The following IMMP2L variants were observed in gnomAD, a reference collection of about 807,000 sequenced individuals.
IMMP2L encodes the protein mitochondrial inner membrane protease subunit 2.
A neutral mutation model predicts 19.3 loss-of-function variants in IMMP2L; 18 were observed. The observed-to-expected ratio is 0.93, with a 90% confidence interval of 0.64 to 1.38. The LOEUF is 1.38. Among genes scored for constraint, IMMP2L ranks in the 40% most tolerant of loss-of-function variants. IMMP2L has a pLI of 0.00. For missense variants in IMMP2L, 233 were observed against 218.2 expected, an observed-to-expected ratio of 1.07 and a Z score of -0.43; for synonymous variants, 76 against 73.0, an observed-to-expected ratio of 1.04 and a Z score of -0.21.
chr7:111,421,075 C>T (rs756167693), intron 3 of IMMP2L, among the ~76,000 whole-genome samples: 3 of 151,608 alleles, frequency 2.0e-5, no homozygotes, highest in Non-Finnish European at 4.4e-5. Flanking sequence ...TCTGTTGTTC[C>T]CTGAGTTTTT....
At chr7:110,737,232 CTG>C (rs1554404785) in intron 5 of IMMP2L, among the ~76,000 whole-genome samples, 4 of 152,160 alleles carry the variant, frequency 2.6e-5, no homozygotes, top group Admixed American at 6.5e-5. Context: ...GCCAAAAAAA[CTG>C]TGAGTCTGCT....
At chr7:110,851,396 C>T (rs1806212297) in intron 5 of IMMP2L, among the ~76,000 whole-genome samples, 1 of 152,130 alleles carries the variant, frequency 6.6e-6, no homozygotes, top group Non-Finnish European at 1.5e-5. Flanking sequence ...GGAATTAATG[C>T]CCCATAAGCA....
At chr7:111,214,621 G>A (rs1323065636) in intron 3 of IMMP2L, among the ~76,000 whole-genome samples, 6 of 150,086 alleles carry the variant, frequency 4.0e-5, no homozygotes, top group African/African-American at 1.5e-4. Flanking sequence ...CCAAAGTGCA[G>A]GGATTACAGG....
intron 3 of IMMP2L, among the ~76,000 whole-genome samples, chr7:111,036,083 T>C (rs772300553): frequency 6.6e-6 from 1 of 152,210 alleles, no homozygotes; most frequent in Non-Finnish European, 1.5e-5. Flanking sequence ...TTATTGCTCA[T>C]ATTATTCCTT....
chr7:110,766,063 G>A (rs919854217), intron 5 of IMMP2L, among the ~76,000 whole-genome samples: 5 of 152,066 alleles, frequency 3.3e-5, no homozygotes, highest in African/African-American at 4.8e-5. Flanking sequence ...TATTGACCAC[G>A]TAATTATTAG....
At chr7:111,430,292 A>T (rs1836498620) in intron 3 of IMMP2L, among the ~76,000 whole-genome samples, 1 of 151,826 alleles carries the variant, frequency 6.6e-6, no homozygotes, top group Non-Finnish European at 1.5e-5. Context: ...AACCTAACTG[A>T]AATATGTCTG....
chr7:110,663,840 A>G (rs1398732162), intron 5 of IMMP2L, 119 bp from the exon 6 acceptor site: 7 of 613,960 alleles, frequency 1.1e-5, no homozygotes, highest in Non-Finnish European at 1.9e-5. Context: ...GTGATGATGA[A>G]TAAAAAAAAT....
chr7:111,275,775 T>C (rs551319019), intron 3 of IMMP2L, among the ~76,000 whole-genome samples: 1 of 152,290 alleles, frequency 6.6e-6, no homozygotes, highest in Admixed American at 6.5e-5. Flanking sequence ...CTTGATTAAA[T>C]ATATTCCTAG....
At chr7:111,352,951 G>T (rs1304029587) in intron 3 of IMMP2L, among the ~76,000 whole-genome samples, 1 of 152,154 alleles carries the variant, frequency 6.6e-6, no homozygotes, top group African/African-American at 2.4e-5. Flanking sequence ...AAAAGTGCAT[G>T]AAGTCTCAAC....
At chr7:110,958,417 T>G (rs1180044377) in intron 4 of IMMP2L, among the ~76,000 whole-genome samples, 1 of 152,068 alleles carries the variant, frequency 6.6e-6, no homozygotes, top group Non-Finnish European at 1.5e-5. Context: ...TACAAGCTTG[T>G]GTTATTTCCA....
intron 3 of IMMP2L, among the ~76,000 whole-genome samples, chr7:111,044,768 A>T (rs2129571590): frequency 6.6e-6 from 1 of 152,300 alleles, no homozygotes; most frequent in African/African-American, 2.4e-5. Context: ...TTTTTATCCC[A>T]TCAACAAGTT....
intron 3 of IMMP2L, among the ~76,000 whole-genome samples, chr7:111,000,361 T>C (rs1415990953): frequency 6.6e-6 from 1 of 152,124 alleles, no homozygotes; most frequent in Non-Finnish European, 1.5e-5. Flanking sequence ...ATATTTACCC[T>C]CAACTTAGAC....
intron 5 of IMMP2L, among the ~76,000 whole-genome samples, chr7:110,852,787 G>A (rs774765660): frequency 5.2e-4 from 79 of 152,064 alleles, no homozygotes; most frequent in African/African-American, 1.7e-3. Context: ...GCCACATAGA[G>A]AGCCCAAGTG....
At chr7:111,215,549 A>G (rs988905849) in intron 3 of IMMP2L, among the ~76,000 whole-genome samples, 1 of 152,178 alleles carries the variant, frequency 6.6e-6, no homozygotes, top group East Asian at 1.9e-4. Flanking sequence ...GTCTAATTTC[A>G]AAAAAGATAT....
At chr7:110,696,324 TA>T (rs1210200394) in intron 5 of IMMP2L, among the ~76,000 whole-genome samples, 5 of 151,892 alleles carry the variant, frequency 3.3e-5, no homozygotes, top group African/African-American at 1.2e-4. Context: ...CAGGTATGTG[TA>T]AGAAGAAAAA....
At chr7:111,355,020 G>T (rs1406280583) in intron 3 of IMMP2L, among the ~76,000 whole-genome samples, 1 of 151,782 alleles carries the variant, frequency 6.6e-6, no homozygotes, top group African/African-American at 2.4e-5. Context: ...ATCTGAAAAG[G>T]ATACTACTGG....
chr7:111,020,135 G>A (rs1056666680), intron 3 of IMMP2L, among the ~76,000 whole-genome samples: 1 of 150,532 alleles, frequency 6.6e-6, no homozygotes, highest in Non-Finnish European at 1.5e-5. Flanking sequence ...TGTAATCCCA[G>A]CACTTTGGGA....
chr7:110,746,907 C>A (rs1797382848), intron 5 of IMMP2L, among the ~76,000 whole-genome samples: 2 of 152,008 alleles, frequency 1.3e-5, no homozygotes. Flanking sequence ...AAGATCAGTG[C>A]AGAACTGAAG....
rs148995775 is a variant in IMMP2L at position 110,893,045 on chromosome 7, C to A, written c.306-6350G>T. The stretch of plus-strand genomic sequence containing the variant: ...ATATATTGTCGGTTCAATTGCAGAC[C>A]ACCTCAATCAATAAATAAAGCAATA... On this transcript the variant is annotated intron_variant, in intron 4 of 5. Coordinates refer to ENST00000405709, the MANE Select transcript of IMMP2L (RefSeq NM_032549.4). Among the ~76,000 whole-genome samples the A allele has an allele frequency of 4.7e-3, 720 of 152,122 alleles. 3 individuals are homozygous for A. The highest frequency in any genetic ancestry group is 0.017 in the African/African-American group (691 of 41,496).
Sources: allele counts gnomAD v4.1 joint callset (sites outside exome capture counted in the v4.1 genomes callset), GRCh38; gene constraint gnomAD v4.1.1; transcripts MANE v1.5; gene names NCBI Gene and HGNC (gene_info 2026-07-23, HGNC 2026-07-21).